UBE2N: variants seen among roughly 807,000 people sequenced by gnomAD.
UBE2N encodes ubiquitin conjugating enzyme E2 N, also known as ubiquitin-conjugating enzyme E2 N.
For missense variants in UBE2N, 60 were observed against 192.1 expected, an observed-to-expected ratio of 0.31 and a Z score of 4.07; for synonymous variants, 70 against 69.2, an observed-to-expected ratio of 1.01 and a Z score of -0.06.
At position 93,407,351 on chromosome 12, in the gene UBE2N, G is replaced by A. The variant is rs1877877436; in HGVS notation, c.*2688C>T. The stretch of plus-strand genomic sequence containing the variant: ...CCCATTAGAGTATATGGTCCCCAAA[G>A]GAAAGCCCCATGCCATTCACTCACC... On this transcript the variant is annotated 3_prime_UTR_variant, in exon 4 of 4. Transcript: ENST00000318066. 6.6e-6 allele frequency: 1 copy of A among 152,196 alleles called. No homozygotes were observed. Among genetic ancestry groups the A allele is most frequent in the Admixed American group, 6.5e-5 (1 of 15,290 alleles). 9.4% of individuals were successfully genotyped at this position (152,196 alleles called of 1,614,324 possible). A position where few individuals can be genotyped will look rare whatever the true frequency, so the allele number is the denominator to read the frequency against.
chr12:93,422,287 C>A (rs1878438429), intron 1 of UBE2N, among the ~76,000 whole-genome samples: 1 of 152,116 alleles, frequency 6.6e-6, no homozygotes, highest in African/African-American at 2.4e-5. Context: ...AATGACATAA[C>A]ACTTCATTGC....
At chr12:93,414,326 G>A (rs926055187) in intron 1 of UBE2N, among the ~76,000 whole-genome samples, 6 of 151,954 alleles carry the variant, frequency 3.9e-5, no homozygotes, top group African/African-American at 1.2e-4. Flanking sequence ...GCGCATGCCT[G>A]TAATCCCAGC....
At chr12:93,421,222 G>GGGGGGGATA (rs1555196972) in intron 1 of UBE2N, among the ~76,000 whole-genome samples, 1 of 115,984 alleles carries the variant, frequency 8.6e-6, no homozygotes, top group African/African-American at 3.4e-5. Flanking sequence ...GGGCTGGGGG[G>GGGGGGGATA]ACAGATTCTC....
chr12:93,422,933 A>G (rs1300067637), intron 1 of UBE2N, among the ~76,000 whole-genome samples: 1 of 152,236 alleles, frequency 6.6e-6, no homozygotes, highest in Non-Finnish European at 1.5e-5. Flanking sequence ...TAACTTGTAG[A>G]AAAAGAAAAA....
intron 3 of UBE2N, 57 bp downstream of exon 3, chr12:93,410,677 T>C (rs1878007068): frequency 6.2e-7 from 1 of 1,603,814 alleles, no homozygotes; most frequent in Middle Eastern, 1.7e-4. Context: ...AAAGTTTAAG[T>C]GGTAATACAA....
At chr12:93,419,965 G>C (rs1878355840) in intron 1 of UBE2N, among the ~76,000 whole-genome samples, 1 of 152,156 alleles carries the variant, frequency 6.6e-6, no homozygotes, top group South Asian at 2.1e-4. Flanking sequence ...CTGGGTCCAT[G>C]AGAATTTCCT....
At chr12:93,424,712 A>G (rs571301474) in intron 1 of UBE2N, among the ~76,000 whole-genome samples, 8 of 152,382 alleles carry the variant, frequency 5.2e-5, no homozygotes, top group Admixed American at 3.9e-4. Context: ...CTTTGGATTA[A>G]AAAATAAAAC....
At chr12:93,423,184 C>T (rs1294072151) in intron 1 of UBE2N, among the ~76,000 whole-genome samples, 1 of 152,198 alleles carries the variant, frequency 6.6e-6, no homozygotes, top group Non-Finnish European at 1.5e-5. Context: ...CTGAAATCAT[C>T]GTGATGTGAT....
At position 93,409,357 on chromosome 12, in the gene UBE2N, T is replaced by C. The variant is rs188599636; in HGVS notation, c.*682A>G. On this transcript the variant is annotated 3_prime_UTR_variant, in exon 4 of 4. Transcript: ENST00000318066. Reference sequence around the variant, plus strand: ...TAAAATAAACTGTACAAAGGCAAAGTAGAATAACAAAAAATATTTTACTAA... The same window carrying C: ...TAAAATAAACTGTACAAAGGCAAAGCAGAATAACAAAAAATATTTTACTAA... 27 of 163,862 alleles carry C rather than the reference T, an allele frequency of 1.6e-4. 2 individuals are homozygous for C. The highest frequency in any genetic ancestry group is 1.3e-3 in the Admixed American group (20 of 15,294). The allele number at this position is 163,862 out of a possible 1,614,324, so 10.2% of individuals were successfully genotyped here.
At chr12:93,437,804 A>G (rs926641053) in intron 1 of UBE2N, among the ~76,000 whole-genome samples, 2 of 152,196 alleles carry the variant, frequency 1.3e-5, no homozygotes, top group African/African-American at 2.4e-5. Context: ...ACAAACAAAC[A>G]AACAAAAACA....
At chr12:93,441,147 A>T (rs1251521436) in intron 1 of UBE2N, 1 of 152,362 alleles carries the variant, frequency 6.6e-6, no homozygotes, top group Non-Finnish European at 1.5e-5. Flanking sequence ...TGCCAACCAG[A>T]GTAAAATCAC....
chr12:93,407,307 T>C lies in UBE2N; in HGVS notation c.*2732A>G, dbSNP rs1398525140. On this transcript the variant is annotated 3_prime_UTR_variant, in exon 4 of 4. Transcript: ENST00000318066. ...CTCTTTTCCATGACAGAGTTACAAC[T>C]ATTTGTCTGTCCCCCTTCCCCATTA... 6.6e-6 allele frequency: 1 copy of C among 152,290 alleles called. No homozygotes were observed. Among genetic ancestry groups the C allele is most frequent in the Non-Finnish European group, 1.5e-5 (1 of 68,102 alleles). The allele number at this position is 152,290 out of a possible 1,614,324, so 9.4% of individuals were successfully genotyped here.
chr12:93,417,210 T>A (rs1878244895), intron 1 of UBE2N, among the ~76,000 whole-genome samples: 1 of 152,202 alleles, frequency 6.6e-6, no homozygotes, highest in Non-Finnish European at 1.5e-5. Context: ...CAAATATTTT[T>A]AAAAGGAATC....
At chr12:93,426,589 A>G (rs984173262) in intron 1 of UBE2N, among the ~76,000 whole-genome samples, 1 of 152,188 alleles carries the variant, frequency 6.6e-6, no homozygotes, top group Non-Finnish European at 1.5e-5. Context: ...GACAAGTCTG[A>G]AGTCAAGCCA....
chr12:93,438,746 A>C (rs1025149255), intron 1 of UBE2N, among the ~76,000 whole-genome samples: 5 of 152,192 alleles, frequency 3.3e-5, no homozygotes, highest in African/African-American at 1.2e-4. Context: ...GGTTTGAAAG[A>C]CAGGGGGGAA....
chr12:93,410,887 C>T lies in UBE2N; in HGVS notation c.278-13G>A, dbSNP rs760039074. Reference sequence around the variant, plus strand: ...GGGGACCACTTATCTATGAAGGCAACAGGCCCAGTATGATAAAGCATGAAA... The same window carrying T: ...GGGGACCACTTATCTATGAAGGCAATAGGCCCAGTATGATAAAGCATGAAA... On this transcript the variant is annotated splice_polypyrimidine_tract_variant and intron_variant, in intron 2 of 3. Transcript: ENST00000318066. 1.1e-5 allele frequency: 17 copies of T among 1,614,142 alleles called. No homozygotes were observed. Among genetic ancestry groups the T allele is most frequent in the Non-Finnish European group, 1.4e-5 (17 of 1,180,046 alleles).
intron 1 of UBE2N, among the ~76,000 whole-genome samples, chr12:93,436,807 C>T (rs1030655127): frequency 1.3e-5 from 2 of 152,256 alleles, no homozygotes; most frequent in East Asian, 3.9e-4. Context: ...GAAGATAAGG[C>T]AGAAAAACGA....
Position 93,441,745 on chromosome 12 carries a change from C to T in UBE2N, c.30+110G>A, listed in dbSNP as rs959828015. The T allele has an allele frequency of 5.0e-5, 72 of 1,449,892 alleles. No individual in the cohort carries two copies. In the East Asian group the frequency reaches 2.0e-3, roughly 41 times the overall value. The allele number at this position is 1,449,892 out of a possible 1,614,324, so 89.8% of individuals were successfully genotyped here. A position where few individuals can be genotyped will look rare whatever the true frequency, so the allele number is the denominator to read the frequency against. Reference sequence around the variant, plus strand: ...CGGCCAACCCCTCTCCGCGCCGCCTCGGGCCTCCCAGAGCGGGCCGCGGGC... The same window carrying T: ...CGGCCAACCCCTCTCCGCGCCGCCTTGGGCCTCCCAGAGCGGGCCGCGGGC... On this transcript the variant is annotated intron_variant, in intron 1 of 3. Transcript: ENST00000318066.
Position 93,407,906 on chromosome 12 carries a change from C to T in UBE2N, c.*2133G>A, listed in dbSNP as rs1482156094. ...TAGCAAAGTAATGGGGGAGTCTTAC[C>T]AAAACTGCAAAGGAAAAAAATATGA... is the stretch of plus-strand genomic sequence containing the variant. On this transcript the variant is annotated 3_prime_UTR_variant, in exon 4 of 4. Transcript: ENST00000318066. The T allele has an allele frequency of 6.6e-6, 1 of 152,058 alleles. No homozygotes were observed. Among genetic ancestry groups the T allele is most frequent in the Non-Finnish European group, 1.5e-5 (1 of 68,020 alleles). 9.4% of individuals were successfully genotyped at this position (152,058 alleles called of 1,614,324 possible).
Sources: allele counts gnomAD v4.1 joint callset (sites outside exome capture counted in the v4.1 genomes callset), GRCh38; gene constraint gnomAD v4.1.1; transcripts MANE v1.5; gene names NCBI Gene and HGNC (gene_info 2026-07-23, HGNC 2026-07-21).